Variants in SLC39A14 observed in about 807,000 individuals in gnomAD.
The protein encoded by SLC39A14 is solute carrier family 39 member 14.
Under a neutral mutation model 45.5 loss-of-function variants are expected in SLC39A14, and 19 were observed. The ratio of observed to expected loss-of-function variants is 0.42; its 90% confidence interval spans 0.29 to 0.61. The LOEUF is 0.61. Among genes scored for constraint, SLC39A14 ranks in the 20% least tolerant of loss-of-function variants. The pLI is 0.22. For synonymous variants in SLC39A14, 264 were observed against 251.3 expected, an observed-to-expected ratio of 1.05 and a Z score of -0.48; for missense variants, 447 against 616.5, an observed-to-expected ratio of 0.73 and a Z score of 2.91.
chr8:22,379,389 G>A (rs1368356719), intron 1 of SLC39A14: 2 of 152,202 alleles, frequency 1.3e-5, no homozygotes, highest in Non-Finnish European at 1.5e-5. Flanking sequence ...TCTGGTTCAC[G>A]GAGCTGCCAA....
At chr8:22,428,603 C>T (rs1836423242) in intron 8 of SLC39A14, among the ~76,000 whole-genome samples, 1 of 151,690 alleles carries the variant, frequency 6.6e-6, no homozygotes, top group Admixed American at 6.6e-5. Context: ...CCACCACACC[C>T]ACCTAATTTT....
At chr8:22,384,853 C>T (rs1833705061) in intron 1 of SLC39A14, among the ~76,000 whole-genome samples, 1 of 151,868 alleles carries the variant, frequency 6.6e-6, no homozygotes, top group Admixed American at 6.6e-5. Context: ...AGTTTCAGAC[C>T]AGCGTCACCA....
chr8:22,401,573 A>T (rs1283374050), intron 1 of SLC39A14, among the ~76,000 whole-genome samples: 1 of 79,118 alleles, frequency 1.3e-5, no homozygotes, highest in Non-Finnish European at 2.4e-5. Flanking sequence ...TTTGAGATGG[A>T]ATCTTGCTCT....
chr8:22,423,812 C>CTCT (rs1554523073), downstream of SLC39A14, among the ~76,000 whole-genome samples: 3 of 138,872 alleles, frequency 2.2e-5, no homozygotes, highest in African/African-American at 6.5e-5. Flanking sequence ...CTCTCTCTCT[C>CTCT]ATCTATCTTC....
intron 8 of SLC39A14, among the ~76,000 whole-genome samples, chr8:22,418,123 G>A (rs1315240525): frequency 1.3e-5 from 2 of 152,074 alleles, no homozygotes; most frequent in East Asian, 1.9e-4. Context: ...GGCTAGTCTC[G>A]AACTCCCGGC....
chr8:22,417,897 GTTTT>G (rs924973145), intron 8 of SLC39A14, 62 bp downstream of exon 8: 1 of 1,393,448 alleles, frequency 7.2e-7, no homozygotes, highest in African/African-American at 1.5e-5. Context: ...TAGGTAGGTA[GTTTT>G]TTTTTATTTT....
chr8:22,380,094 G>A (rs897359469), intron 1 of SLC39A14, among the ~76,000 whole-genome samples: 1 of 152,158 alleles, frequency 6.6e-6, no homozygotes. Flanking sequence ...GGGAGGAAGT[G>A]CGTAGGTTAT....
chr8:22,387,643 G>A (rs1248161200), intron 1 of SLC39A14, among the ~76,000 whole-genome samples: 1 of 152,200 alleles, frequency 6.6e-6, no homozygotes, highest in East Asian at 1.9e-4. Flanking sequence ...CCTTGTGTGA[G>A]CGGGTGTTGG....
Position 22,394,683 on chromosome 8 carries a change from C to A in SLC39A14, c.-15-10013C>A, listed in dbSNP as rs1189178718. ...ACCGTCAGTCCTCTTACCATACTTT[C>A]TGCATTCCTGAGCTCTCCGTATTTC... On this transcript the variant is annotated intron_variant, in intron 1 of 8. Coordinates refer to ENST00000381237, the MANE Select transcript of SLC39A14 (RefSeq NM_001128431.4). Among the ~76,000 whole-genome samples, 3 of 152,130 alleles carry A rather than the reference C, an allele frequency of 2.0e-5. No homozygotes were observed. In the East Asian group the frequency reaches 5.8e-4, roughly 29 times the overall value.
Position 22,384,446 on chromosome 8 carries a change from A to T in SLC39A14, c.-16+17038A>T, listed in dbSNP as rs889306858. Among the ~76,000 whole-genome samples, 62 of 141,472 alleles carry T rather than the reference A, an allele frequency of 4.4e-4. 1 individual carries two copies. The highest frequency in any genetic ancestry group is 3.8e-3 in the South Asian group (17 of 4,444). The allele number at this position is 141,472 out of a possible 152,430, so 92.8% of individuals were successfully genotyped here. A position where few individuals can be genotyped will look rare whatever the true frequency, so the allele number is the denominator to read the frequency against. On this transcript the variant is annotated intron_variant, in intron 1 of 8. Coordinates refer to ENST00000381237, the MANE Select transcript of SLC39A14 (RefSeq NM_001128431.4). ...CCCACCCCACCTCACTTTATGTTTTAAAAAAAAAAAAAACAACTCTGGCGG... is the reference window on the plus strand; with the variant it reads ...CCCACCCCACCTCACTTTATGTTTTTAAAAAAAAAAAAACAACTCTGGCGG...
chr8:22,390,899 G>T (rs544473530), intron 1 of SLC39A14, among the ~76,000 whole-genome samples: 6 of 151,998 alleles, frequency 3.9e-5, no homozygotes, highest in African/African-American at 7.2e-5. Flanking sequence ...TAACAGTCCC[G>T]CGGGGAGAGC....
At chr8:22,407,151 C>T (rs1379546083) in intron 2 of SLC39A14, among the ~76,000 whole-genome samples, 3 of 152,192 alleles carry the variant, frequency 2.0e-5, no homozygotes, top group African/African-American at 4.8e-5. Context: ...ATATGTCTTT[C>T]AGGCTGAGGG....
At chr8:22,428,428 C>T (rs1329408564) in intron 8 of SLC39A14, among the ~76,000 whole-genome samples, 1 of 149,602 alleles carries the variant, frequency 6.7e-6, no homozygotes, top group African/African-American at 2.5e-5. Context: ...TTGTGTTCCT[C>T]GGTTCATATG....
chr8:22,396,651 C>T (rs904714573), intron 1 of SLC39A14, among the ~76,000 whole-genome samples: 3 of 149,068 alleles, frequency 2.0e-5, no homozygotes, highest in Non-Finnish European at 4.4e-5. Flanking sequence ...GAATGTGGCC[C>T]GGGAGCCCTT....
At position 22,422,159 on chromosome 8, in the gene SLC39A14, C is replaced by T. The variant is rs1272159621; in HGVS notation, c.*2461C>T. The T allele has an allele frequency of 2.0e-5, 20 of 985,398 alleles. No homozygotes were observed. In the East Asian group the frequency reaches 1.9e-3, roughly 95 times the overall value. 61.0% of individuals were successfully genotyped at this position (985,398 alleles called of 1,614,324 possible). A position where few individuals can be genotyped will look rare whatever the true frequency, so the allele number is the denominator to read the frequency against. On this transcript the variant is annotated 3_prime_UTR_variant, in exon 9 of 9. Coordinates refer to ENST00000381237, the MANE Select transcript of SLC39A14 (RefSeq NM_001128431.4). ...TAGCAAGTCAGTGGGAGGACTTTTT[C>T]ACCCCTGGCATTAGCAGCTTCGACC...
chr8:22,395,026 T>C lies in SLC39A14; in HGVS notation c.-15-9670T>C, dbSNP rs184663508. On this transcript the variant is annotated intron_variant, in intron 1 of 8. Coordinates refer to ENST00000381237, the MANE Select transcript of SLC39A14 (RefSeq NM_001128431.4). Reference sequence around the variant, plus strand: ...ATTTTCTTTTCTCTCTTTTTTTTTTTTTGAGACAGAGTCTCACTCTGTCGC... The same window carrying C: ...ATTTTCTTTTCTCTCTTTTTTTTTTCTTGAGACAGAGTCTCACTCTGTCGC... Among the ~76,000 whole-genome samples the C allele has an allele frequency of 8.6e-3, 1,309 of 152,106 alleles. 10 individuals carry two copies. The highest frequency in any genetic ancestry group is 0.027 in the Middle Eastern group (8 of 294).
intron 7 of SLC39A14, 116 bp downstream of exon 7, chr8:22,416,396 T>C (rs1835884452): frequency 6.0e-6 from 5 of 832,120 alleles, no homozygotes; most frequent in East Asian, 2.6e-5. Flanking sequence ...TTGTAACTGA[T>C]TTAACACACT....
chr8:22,401,950 A>G (rs770721356), intron 1 of SLC39A14, among the ~76,000 whole-genome samples: 3 of 152,190 alleles, frequency 2.0e-5, no homozygotes, highest in Non-Finnish European at 4.4e-5. Flanking sequence ...TGAAACTGAT[A>G]TGATTTACTT....
downstream of SLC39A14, among the ~76,000 whole-genome samples, chr8:22,424,391 A>G (rs1363200437): frequency 6.6e-6 from 1 of 152,224 alleles, no homozygotes; most frequent in African/African-American, 2.4e-5. Context: ...CAATCTTATG[A>G]CTACCTCCAT....
Sources: allele counts gnomAD v4.1 joint callset (sites outside exome capture counted in the v4.1 genomes callset), GRCh38; gene constraint gnomAD v4.1.1; transcripts MANE v1.5; gene names NCBI Gene and HGNC (gene_info 2026-07-23, HGNC 2026-07-21).